The following TLE3 variants were observed in gnomAD, a reference collection of about 807,000 sequenced individuals.
TLE3 encodes the protein transducin-like enhancer protein 3.
A neutral mutation model predicts 93.0 loss-of-function variants in TLE3; 14 were observed. That is an observed-to-expected ratio of 0.15 (90% CI 0.10 to 0.24). The LOEUF (loss-of-function observed/expected upper bound fraction) is 0.24. Ranked by LOEUF, TLE3 falls within the 10% of genes least tolerant of loss-of-function variation. The pLI, the probability that TLE3 is intolerant of heterozygous loss-of-function variation, is 1.00. For missense variants in TLE3, 693 were observed against 1,046.6 expected (o/e 0.66, Z 4.66); for synonymous variants, 451 against 425.0 (o/e 1.06, Z -0.75).
In TLE3 at chr15:70,058,603, C is replaced by T. The variant is rs920802767; in HGVS notation, c.918+60G>A. The stretch of plus-strand genomic sequence containing the variant: ...CACCCCTCTGCCTGCCAATCGGCAC[C>T]ACCCCAGCTCCAGTCCCTGCCGCTC... On this transcript the variant is annotated intron_variant, in intron 11 of 19. Coordinates refer to ENST00000451782, the MANE Select transcript of TLE3 (RefSeq NM_001105192.3). The surrounding 1 kb of genome is among the most constrained non-coding windows in gnomAD (Gnocchi z 4.1). 4.7e-5 allele frequency: 71 copies of T among 1,505,912 alleles called. 1 individual carries two copies. In the East Asian group the frequency reaches 1.6e-3, roughly 35 times the overall value. The allele number at this position is 1,505,912 out of a possible 1,614,324, so 93.3% of individuals were successfully genotyped here.
At chr15:70,050,310 A>C in intron 19 of TLE3, 106 bp from the exon 20 acceptor site, 2 of 868,604 alleles carry the variant, frequency 2.3e-6, no homozygotes, top group Non-Finnish European at 3.8e-6. Flanking sequence ...TTCTCTCGGC[A>C]ACAATTGCCC....
At chr15:70,073,490 A>G (rs1359485877) in intron 6 of TLE3, among the ~76,000 whole-genome samples, 1 of 152,206 alleles carries the variant, frequency 6.6e-6, no homozygotes, top group Non-Finnish European at 1.5e-5. Context: ...AGAATGTTAG[A>G]GTTGAATCAG....
intron 7 of TLE3, 45 bp downstream of exon 7, chr15:70,065,969 G>GCCCCCCCCCGCCCCCCCC: frequency 8.5e-6 from 11 of 1,294,404 alleles, no homozygotes; most frequent in African/African-American, 1.4e-5. Context: ...GAGCGCCCAT[G>GCCCCCCCCCGCCCCCCCC]CCCACCCCTG....
At chr15:70,051,634 A>G (rs565054841) in intron 18 of TLE3, 167 bp from the exon 19 acceptor site, 4 of 218,942 alleles carry the variant, frequency 1.8e-5, no homozygotes, top group Non-Finnish European at 3.7e-5. Context: ...GGACACCTGG[A>G]GAAGGCCTTT....
At chr15:70,050,413 T>G (rs966553291) in intron 19 of TLE3, 13 of 492,910 alleles carry the variant, frequency 2.6e-5, no homozygotes, top group African/African-American at 1.7e-4. Flanking sequence ...CATTTTCAGG[T>G]AGAGCTCCCC....
chr15:70,053,405 T>A (rs1436641830), intron 16 of TLE3, 31 bp from the exon 17 acceptor site: 2 of 1,579,854 alleles, frequency 1.3e-6, no homozygotes, highest in East Asian at 4.6e-5. Flanking sequence ...GGAGGGTGAG[T>A]CCCGGGAACC....
In TLE3 at chr15:70,051,394, G is replaced by A. The variant is rs1275870257; in HGVS notation, c.2199C>T (p.Phe733=). The part of the protein sequence containing the change: ...AWRTPYGASI[F]QSKESSSVLS... Reference sequence around the variant, plus strand: ...GGACTCAGACGGTGGGCAGTACCTGGAATATGCTGGCTCCATAAGGCGTCC... The same window carrying A: ...GGACTCAGACGGTGGGCAGTACCTGAAATATGCTGGCTCCATAAGGCGTCC... The change falls in exon 19 of 20, where the codon TTC becomes TTT. Residue 733 remains phenylalanine, a synonymous_variant. Transcript: ENST00000451782. 6.2e-7 allele frequency: 1 copy of A among 1,607,438 alleles called. No homozygotes were observed. Among genetic ancestry groups the A allele is most frequent in the Non-Finnish European group, 8.5e-7 (1 of 1,176,820 alleles).
At chr15:70,050,363 G>A (rs1033369561) in intron 19 of TLE3, 159 bp from the exon 20 acceptor site, 5 of 549,542 alleles carry the variant, frequency 9.1e-6, no homozygotes, top group Non-Finnish European at 1.6e-5. Context: ...GCACAGTGCG[G>A]TGAAGAGGAG....
chr15:70,048,258 T>G lies in TLE3; in HGVS notation c.*1839A>C, dbSNP rs2055234740. On this transcript the variant is annotated 3_prime_UTR_variant, in exon 20 of 20. Coordinates refer to ENST00000451782, the MANE Select transcript of TLE3 (RefSeq NM_001105192.3). ...AAAAACAGTTCAGTACAATGACTTT[T>G]CATTCTTTTTTTCTTCGGGAATAAC... 1.3e-5 allele frequency: 2 copies of G among 152,214 alleles called. No homozygotes were observed. Among genetic ancestry groups the G allele is most frequent in the Admixed American group, 1.3e-4 (2 of 15,288 alleles). The allele number at this position is 152,214 out of a possible 1,614,324, so 9.4% of individuals were successfully genotyped here. A position where few individuals can be genotyped will look rare whatever the true frequency, so the allele number is the denominator to read the frequency against.
chr15:70,095,531 C>T, intron 3 of TLE3, 47 bp downstream of exon 3: 6 of 1,547,152 alleles, frequency 3.9e-6, no homozygotes, highest in Non-Finnish European at 5.2e-6. Flanking sequence ...CGCCCCCGGC[C>T]GGGGTCGGCG....
intron 6 of TLE3, among the ~76,000 whole-genome samples, chr15:70,066,463 C>T (rs376276070): frequency 6.6e-6 from 1 of 151,950 alleles, no homozygotes; most frequent in Non-Finnish European, 1.5e-5. Context: ...CAACTCCCTG[C>T]ACCCCCGTTT....
At chr15:70,051,747 C>T (rs1012782440) in intron 18 of TLE3, among the ~76,000 whole-genome samples, 10 of 152,162 alleles carry the variant, frequency 6.6e-5, no homozygotes, top group Non-Finnish European at 1.5e-4. Flanking sequence ...CTTGTTAAAG[C>T]CACTAAGGTT....
chr15:70,085,601 A>T (rs2058004702), intron 4 of TLE3, among the ~76,000 whole-genome samples: 1 of 152,232 alleles, frequency 6.6e-6, no homozygotes, highest in African/African-American at 2.4e-5. Context: ...GCTAAGAGAA[A>T]GGGGTATCTA....
chr15:70,062,724 G>C (rs1190382813), intron 8 of TLE3, among the ~76,000 whole-genome samples: 1 of 148,526 alleles, frequency 6.7e-6, no homozygotes, highest in Non-Finnish European at 1.5e-5. Context: ...CTCATCTGTT[G>C]ACAACCTGGT....
At chr15:70,092,472 G>A (rs1450796290) in intron 4 of TLE3, among the ~76,000 whole-genome samples, 1 of 152,210 alleles carries the variant, frequency 6.6e-6, no homozygotes, top group East Asian at 1.9e-4. Context: ...GGAAGCCAGA[G>A]GGCTGGATTT....
chr15:70,079,990 T>C (rs951294949), intron 4 of TLE3, among the ~76,000 whole-genome samples: 7 of 151,658 alleles, frequency 4.6e-5, no homozygotes, highest in Admixed American at 3.9e-4. Flanking sequence ...TTGACAGCAC[T>C]TCTGATTAGA....
chr15:70,069,471 G>C (rs1283432892), intron 6 of TLE3, among the ~76,000 whole-genome samples: 1 of 152,220 alleles, frequency 6.6e-6, no homozygotes, highest in African/African-American at 2.4e-5. Flanking sequence ...CTGGTTTTCT[G>C]CCTTAGTGTT....
intron 6 of TLE3, among the ~76,000 whole-genome samples, chr15:70,071,244 A>G (rs999531445): frequency 6.6e-6 from 1 of 152,172 alleles, no homozygotes; most frequent in Non-Finnish European, 1.5e-5. Flanking sequence ...TGGATCCAAG[A>G]AGCATGTAAC....
At chr15:70,054,307 T>C in intron 16 of TLE3, 131 bp downstream of exon 16, 4 of 1,336,132 alleles carry the variant, frequency 3.0e-6, no homozygotes, top group Non-Finnish European at 4.1e-6. Context: ...CACCTGTGCA[T>C]CCCTCATCCC....
Sources: allele counts gnomAD v4.1 joint callset (sites outside exome capture counted in the v4.1 genomes callset), GRCh38; gene constraint gnomAD v4.1.1; non-coding constraint Gnocchi (gnomAD v3.1); transcripts MANE v1.5; gene names NCBI Gene and HGNC (gene_info 2026-07-23, HGNC 2026-07-21).